BAIAP2: variants seen among roughly 807,000 people sequenced by gnomAD.
BAIAP2 encodes the protein BAR/IMD domain-containing adapter protein 2.
In BAIAP2, 18 loss-of-function variants were observed where a neutral mutation model predicts 63.0. That is an observed-to-expected ratio of 0.29 (90% CI 0.20 to 0.42). The LOEUF (loss-of-function observed/expected upper bound fraction) is 0.42, where lower values mean the gene tolerates loss of function less well. Among genes scored for constraint, BAIAP2 ranks in the 10% least tolerant of loss-of-function variants. BAIAP2 has a pLI of 1.00. For synonymous variants in BAIAP2, 386 were observed against 307.6 expected, an observed-to-expected ratio of 1.25 and a Z score of -2.67; for missense variants, 610 against 734.3, an observed-to-expected ratio of 0.83 and a Z score of 1.96.
At chr17:81,037,945 C>G (rs1461656223) in intron 1 of BAIAP2, among the ~76,000 whole-genome samples, 1 of 152,268 alleles carries the variant, frequency 6.6e-6, no homozygotes, top group Non-Finnish European at 1.5e-5. Flanking sequence ...GGCTCCATTC[C>G]CTTGGGAGCT....
chr17:81,095,234 C>G (rs2057427363), intron 6 of BAIAP2, among the ~76,000 whole-genome samples: 1 of 152,180 alleles, frequency 6.6e-6, no homozygotes, highest in Non-Finnish European at 1.5e-5. Context: ...ATGGGGCAGG[C>G]TCAGGGCCGT....
At chr17:81,039,428 A>G (rs755703607) in intron 1 of BAIAP2, among the ~76,000 whole-genome samples, 3 of 152,192 alleles carry the variant, frequency 2.0e-5, no homozygotes, top group Admixed American at 1.3e-4. Flanking sequence ...TGGTGGCTGC[A>G]TGAAGTCCGT....
chr17:81,042,441 C>A (rs1461253667), intron 1 of BAIAP2, among the ~76,000 whole-genome samples: 6 of 152,152 alleles, frequency 3.9e-5, no homozygotes, highest in Non-Finnish European at 8.8e-5. Flanking sequence ...CATGTGTGAG[C>A]AAACGCACCC....
At chr17:81,064,253 G>A (rs1420050996) in intron 3 of BAIAP2, among the ~76,000 whole-genome samples, 1 of 152,196 alleles carries the variant, frequency 6.6e-6, no homozygotes, top group Admixed American at 6.5e-5. Flanking sequence ...GGGTCTCTCT[G>A]TACCTGCACC....
intron 11 of BAIAP2, among the ~76,000 whole-genome samples, chr17:81,106,542 C>T (rs73367932): frequency 0.067 from 10,130 of 152,264 alleles, 557 homozygotes; most frequent in African/African-American, 0.16. Flanking sequence ...GGAGTCCTCC[C>T]GGCTTAGCTT....
At chr17:81,056,559 C>G (rs996069988) in intron 2 of BAIAP2, 1 of 152,258 alleles carries the variant, frequency 6.6e-6, no homozygotes, top group African/African-American at 2.4e-5. Flanking sequence ...GGGCCGGGGC[C>G]TGTGTTCCCC....
rs2060516664 is a variant in BAIAP2, at chr17:81,116,112, C to T, written c.*273C>T. ...GGGTACACGCCTCTGGTCACATGGC[C>T]ATGGAGCCTTGGGTACCCCTGAGTT... On this transcript the variant is annotated 3_prime_UTR_variant, in exon 14 of 14. Coordinates refer to ENST00000428708, the MANE Select transcript of BAIAP2 (RefSeq NM_001144888.2). 2.6e-6 allele frequency: 4 copies of T among 1,558,710 alleles called. No individual in the cohort carries two copies. The highest frequency in any genetic ancestry group is 3.5e-6 in the Non-Finnish European group (4 of 1,155,094).
intron 1 of BAIAP2, chr17:81,053,292 G>A (rs998559777): frequency 8.6e-6 from 2 of 232,484 alleles, no homozygotes; most frequent in African/African-American, 2.3e-5. Flanking sequence ...ATGGCCGGTG[G>A]GGGGCCCTTC....
At chr17:81,102,703 A>T (rs1568174532) in intron 7 of BAIAP2, among the ~76,000 whole-genome samples, 2 of 147,092 alleles carry the variant, frequency 1.4e-5, no homozygotes, top group East Asian at 4.1e-4. Flanking sequence ...GTGGGTGCCC[A>T]GCCACATGTA....
intron 1 of BAIAP2, among the ~76,000 whole-genome samples, chr17:81,038,119 C>G (rs544149206): frequency 6.6e-6 from 1 of 152,218 alleles, no homozygotes; most frequent in Non-Finnish European, 1.5e-5. Flanking sequence ...CACAGGAGCC[C>G]GGGCCCAGCG....
intron 13 of BAIAP2, 67 bp downstream of exon 13, chr17:81,108,576 C>T (rs1157684382): frequency 2.5e-6 from 4 of 1,593,034 alleles, no homozygotes; most frequent in South Asian, 1.1e-5. Context: ...TGGGGCAGGT[C>T]CCTCTGCTAG....
At chr17:81,048,881 C>G (rs2048233374) in intron 1 of BAIAP2, among the ~76,000 whole-genome samples, 1 of 152,234 alleles carries the variant, frequency 6.6e-6, no homozygotes, top group South Asian at 2.1e-4. Context: ...GCAGGGACCC[C>G]TCCTCTCCCG....
chr17:81,089,319 C>T (rs569933086), intron 6 of BAIAP2, among the ~76,000 whole-genome samples: 167 of 152,332 alleles, frequency 1.1e-3, no homozygotes, highest in East Asian at 2.3e-3. Flanking sequence ...GTGGACCCTT[C>T]GTTGACTGGC....
chr17:81,056,885 GCGTTTTTCTGCTGTT>G (rs2049669713), intron 2 of BAIAP2, among the ~76,000 whole-genome samples: 3 of 151,860 alleles, frequency 2.0e-5, no homozygotes, highest in African/African-American at 7.3e-5. Flanking sequence ...TTCTGCTGTT[GCGTTTTTCTGCTGTT>G]GCGTTTTTCT....
chr17:81,095,649 C>T (rs1010971507), intron 6 of BAIAP2, among the ~76,000 whole-genome samples: 10 of 152,102 alleles, frequency 6.6e-5, no homozygotes, highest in Non-Finnish European at 1.0e-4. Context: ...CCCCGTCCTT[C>T]GGGGGCTGGC....
At chr17:81,105,100 G>T (rs1479196554) in intron 10 of BAIAP2, 1 of 111,004 alleles carries the variant, frequency 9.0e-6, no homozygotes, top group Non-Finnish European at 2.0e-5. Flanking sequence ...AGCGGCAGGG[G>T]TCTCCCCCCA....
Position 81,103,918 on chromosome 17 carries a change from C to T in BAIAP2, c.876C>T (p.Ala292=), listed in dbSNP as rs1339806973. ...CTGCTTCCCTGCAGCGGATGTCTGC[C>T]CAGGAGAGCACACCCATCATGAACG... is the stretch of plus-strand genomic sequence containing the variant. The part of the protein sequence containing the change: ...ELAPFVGRMS[A]QESTPIMNGV... The change falls in exon 9 of 14, where the codon GCC becomes GCT. Residue 292 remains alanine, a synonymous_variant. Transcript: ENST00000428708. 1.2e-6 allele frequency: 2 copies of T among 1,612,848 alleles called. No homozygotes were observed. Among genetic ancestry groups the T allele is most frequent in the East Asian group, 2.2e-5 (1 of 44,894 alleles).
intron 3 of BAIAP2, chr17:81,083,428 A>G (rs925862545): frequency 2.0e-5 from 3 of 152,178 alleles, no homozygotes; most frequent in Admixed American, 6.5e-5. Context: ...GGCACTGGAA[A>G]CAGTAGCTCA....
chr17:81,072,569 G>A (rs1480191121), intron 3 of BAIAP2, among the ~76,000 whole-genome samples: 1 of 152,172 alleles, frequency 6.6e-6, no homozygotes, highest in African/African-American at 2.4e-5. Context: ...CTGAATTCCT[G>A]GCCCCTGTCC....
Sources: allele counts gnomAD v4.1 joint callset (sites outside exome capture counted in the v4.1 genomes callset), GRCh38; gene constraint gnomAD v4.1.1; transcripts MANE v1.5; gene names NCBI Gene and HGNC (gene_info 2026-07-23, HGNC 2026-07-21).